SPIC: variants seen among roughly 807,000 people sequenced by gnomAD.
SPIC encodes transcription factor Spi-C.
A neutral mutation model predicts 16.7 loss-of-function variants in SPIC; 9 were observed. That is an observed-to-expected ratio of 0.54 (90% confidence interval 0.33 to 0.94). The LOEUF is 0.94. SPIC is among the 40% of genes least tolerant of loss of function. SPIC has a pLI of 0.03. For synonymous variants in SPIC, 97 were observed against 102.9 expected (o/e 0.94, Z 0.35); for missense variants, 241 against 285.8 (o/e 0.84, Z 1.13).
In SPIC at chr12:101,477,582, G is replaced by C. The variant is rs1361815993; in HGVS notation, c.28G>C (p.Gly10Arg). 1.2e-6 allele frequency: 2 copies of C among 1,614,046 alleles called. No individual in the cohort carries two copies. Among genetic ancestry groups the C allele is most frequent in the Non-Finnish European group, 1.7e-6 (2 of 1,179,994 alleles). Residue 10 changes from glycine to arginine, a missense_variant, in exon 3 of 6, where the codon GGT becomes CGT. Transcript: ENST00000551346. MTCVEQDKL[G>R]QAFEDAFEVL... ...GACGTGTGTTGAACAAGACAAGCTG[G>C]GTCAAGCATTTGAAGATGCTTTTGA...
rs1043340764 is a variant in SPIC, at chr12:101,477,567, G to A, written c.13G>A (p.Glu5Lys). The stretch of plus-strand genomic sequence containing the variant: ...ATCATTGTTCCAACAGACGTGTGTT[G>A]AACAAGACAAGCTGGGTCAAGCATT... The part of the protein sequence containing the change: MTCV[E>K]QDKLGQAFED... Residue 5 changes from glutamate (E) to lysine (K), a missense_variant, in exon 3 of 6, where the codon GAA becomes AAA. Physicochemically the swap from Glu to Lys is moderately conservative, Grantham distance 56. Coordinates refer to ENST00000551346, the MANE Select transcript of SPIC (RefSeq NM_152323.3). 3.7e-6 allele frequency: 6 copies of A among 1,613,938 alleles called. No homozygotes were observed. In the African/African-American group the frequency reaches 5.3e-5, roughly 14 times the overall value.
intron 2 of SPIC, among the ~76,000 whole-genome samples, chr12:101,477,214 C>G (rs1872984237): frequency 6.6e-6 from 1 of 152,168 alleles, no homozygotes; most frequent in Non-Finnish European, 1.5e-5. Flanking sequence ...ATGTTAAATA[C>G]TGTACTATAG....
rs544351499 is a variant in SPIC, at chr12:101,482,893, G to A, written c.312G>A (p.Gly104=). The change falls in exon 5 of 6, where the codon GGG becomes GGA. Residue 104 remains glycine, a synonymous_variant. Transcript: ENST00000551346. The part of the protein sequence containing the change: ...LVQPTLLQQK[G]GKGRKKLRLF... ...AACCCACTCTTCTCCAGCAAAAGGGGGGAAAAGGTACGTTGATCCATCATT... is the reference window on the plus strand; with the variant it reads ...AACCCACTCTTCTCCAGCAAAAGGGAGGAAAAGGTACGTTGATCCATCATT... 6.2e-7 allele frequency: 1 copy of A among 1,613,724 alleles called. No individual in the cohort carries two copies. The highest frequency in any genetic ancestry group is 1.6e-4 in the Middle Eastern group (1 of 6,062).
At chr12:101,479,201 AAAGAAAG>A (rs1489039524) in intron 3 of SPIC, among the ~76,000 whole-genome samples, 2 of 121,084 alleles carry the variant, frequency 1.7e-5, no homozygotes, top group Non-Finnish European at 3.4e-5. Context: ...AGAAAGAAAG[AAAGAAAG>A]AAAGAAAGAA....
At position 101,486,823 on chromosome 12, in the gene SPIC, TAATGATTTCTCCCTCCCTCTC is replaced by T; in HGVS notation, c.*53_*73del. The T allele has an allele frequency of 7.2e-7, 1 of 1,396,378 alleles. No homozygotes were observed. The highest frequency in any genetic ancestry group is 9.6e-7 in the Non-Finnish European group (1 of 1,044,954). 86.5% of individuals were successfully genotyped at this position (1,396,378 alleles called of 1,614,324 possible). ...TGGCATCGGAAATCTCTACAAGTTT[TAATGATTTCTCCCTCCCTCTC>T]TTTTTTTCCTCCTCTGAAGAAATTT... On this transcript the variant is annotated 3_prime_UTR_variant, in exon 6 of 6. Coordinates refer to ENST00000551346, the MANE Select transcript of SPIC (RefSeq NM_152323.3).
chr12:101,486,859 T>C lies in SPIC; in HGVS notation c.*88T>C. The stretch of plus-strand genomic sequence containing the variant: ...CCCTCCCTCTCTTTTTTTCCTCCTC[T>C]GAAGAAATTTAGGATTTTTCTCTTA... On this transcript the variant is annotated 3_prime_UTR_variant, in exon 6 of 6. Coordinates refer to ENST00000551346, the MANE Select transcript of SPIC (RefSeq NM_152323.3). 1 of 1,175,800 alleles carries C rather than the reference T, an allele frequency of 8.5e-7. No individual in the cohort carries two copies. The highest frequency in any genetic ancestry group is 1.9e-5 in the South Asian group (1 of 52,284). The allele number at this position is 1,175,800 out of a possible 1,614,324, so 72.8% of individuals were successfully genotyped here. A position where few individuals can be genotyped will look rare whatever the true frequency, so the allele number is the denominator to read the frequency against.
At chr12:101,482,522 A>G (rs11110818) in intron 4 of SPIC, among the ~76,000 whole-genome samples, 38,677 of 151,730 alleles carry the variant, frequency 0.25, 7,548 homozygotes, top group African/African-American at 0.54. Context: ...TGATGGTACC[A>G]CAGACTTTAA....
chr12:101,476,111 AATG>A (rs1219929395), intron 1 of SPIC, among the ~76,000 whole-genome samples: 1 of 152,200 alleles, frequency 6.6e-6, no homozygotes, highest in Non-Finnish European at 1.5e-5. Context: ...TACTTAATGG[AATG>A]ATAAGCAATT....
At position 101,477,659 on chromosome 12, in the gene SPIC, T is replaced by C. The variant is rs1232303698; in HGVS notation, c.97+8T>C. On this transcript the variant is annotated splice_region_variant and intron_variant, in intron 3 of 5. Coordinates refer to ENST00000551346, the MANE Select transcript of SPIC (RefSeq NM_152323.3). ...ATCTTCAGTACTCGCCAGGTAAAGATGAGTCATTTACCCTCTTCTGCTGGT... is the reference window on the plus strand; with the variant it reads ...ATCTTCAGTACTCGCCAGGTAAAGACGAGTCATTTACCCTCTTCTGCTGGT... The C allele has an allele frequency of 1.9e-6, 3 of 1,607,906 alleles. No individual in the cohort carries two copies. Among genetic ancestry groups the C allele is most frequent in the South Asian group, 1.1e-5 (1 of 90,930 alleles).
intron 3 of SPIC, among the ~76,000 whole-genome samples, chr12:101,479,166 G>GAA (rs1873059168): frequency 2.1e-5 from 2 of 93,100 alleles, no homozygotes; most frequent in African/African-American, 4.2e-5. Context: ...AAGAAAGAAA[G>GAA]AAAGAAAAAG....
Position 101,486,910 on chromosome 12 carries a change from A to G in SPIC, c.*139A>G. The G allele has an allele frequency of 1.5e-6, 1 of 676,954 alleles. No homozygotes were observed. Among genetic ancestry groups the G allele is most frequent in the South Asian group, 2.8e-5 (1 of 35,286 alleles). The allele number at this position is 676,954 out of a possible 1,614,324, so 41.9% of individuals were successfully genotyped here. ...AAGCAAATACTAAAGAGGAAAAAAA[A>G]TTAACTTTATTGTTGCTTTTATCAA... is the stretch of plus-strand genomic sequence containing the variant. On this transcript the variant is annotated 3_prime_UTR_variant, in exon 6 of 6. Coordinates refer to ENST00000551346, the MANE Select transcript of SPIC (RefSeq NM_152323.3).
At chr12:101,483,218 A>C in intron 5 of SPIC, among the ~76,000 whole-genome samples, 1 of 151,060 alleles carries the variant, frequency 6.6e-6, no homozygotes, top group African/African-American at 2.4e-5. Context: ...CTATTTTTAA[A>C]TTTTTTTATT....
intron 2 of SPIC, among the ~76,000 whole-genome samples, chr12:101,477,192 A>C (rs530849934): frequency 1.1e-3 from 161 of 152,262 alleles, no homozygotes; most frequent in African/African-American, 3.8e-3. Flanking sequence ...TCCTTGCTAA[A>C]ATTTTGCAAT....
intron 5 of SPIC, 125 bp downstream of exon 5, chr12:101,483,025 G>A: frequency 4.2e-6 from 3 of 712,240 alleles, no homozygotes; most frequent in Non-Finnish European, 7.0e-6. Context: ...ACATTTGAGA[G>A]TAATTTAACT....
At chr12:101,481,061 C>T (rs565834908) in intron 4 of SPIC, among the ~76,000 whole-genome samples, 74 of 152,198 alleles carry the variant, frequency 4.9e-4, no homozygotes, top group Non-Finnish European at 1.0e-3. Context: ...TGTGGAAAGA[C>T]AGCTCAAGCC....
intron 4 of SPIC, among the ~76,000 whole-genome samples, chr12:101,480,987 A>G (rs1164447105): frequency 6.6e-6 from 1 of 152,130 alleles, no homozygotes; most frequent in Non-Finnish European, 1.5e-5. Context: ...ATTTTCTAGC[A>G]TGTGCCTCAC....
chr12:101,476,308 T>A (rs1456833395), intron 1 of SPIC, among the ~76,000 whole-genome samples: 1 of 152,172 alleles, frequency 6.6e-6, no homozygotes, highest in Non-Finnish European at 1.5e-5. Flanking sequence ...AGACGAGTTT[T>A]CTTAGCCTAG....
At chr12:101,480,756 G>A (rs547574371) in intron 4 of SPIC, among the ~76,000 whole-genome samples, 14 of 152,154 alleles carry the variant, frequency 9.2e-5, no homozygotes, top group Non-Finnish European at 1.8e-4. Context: ...GGAGGCTGAG[G>A]AGGAAGGATC....
chr12:101,481,635 T>C (rs1873201932), intron 4 of SPIC, among the ~76,000 whole-genome samples: 1 of 151,550 alleles, frequency 6.6e-6, no homozygotes, highest in African/African-American at 2.4e-5. Context: ...TCAGCCTCCC[T>C]AGTAGCTAGC....
Sources: gnomAD v4.1 joint callset for allele counts (sites outside exome capture counted in the v4.1 genomes callset) on GRCh38, gnomAD v4.1.1 for gene constraint, MANE v1.5 for transcripts, NCBI Gene and HGNC (gene_info 2026-07-23, HGNC 2026-07-21) for gene names.